SPIDR: variants seen among roughly 807,000 people sequenced by gnomAD.
SPIDR encodes scaffold protein involved in DNA repair, also known as DNA repair-scaffolding protein.
Under a neutral mutation model 104.6 loss-of-function variants are expected in SPIDR, and 93 were observed. The observed-to-expected ratio is 0.89, with a 90% CI of 0.75 to 1.06. The LOEUF (loss-of-function observed/expected upper bound fraction) is 1.06, where lower values mean the gene tolerates loss of function less well. SPIDR is among the 50% of genes least tolerant of loss of function. SPIDR has a pLI of 0.00. For missense variants in SPIDR, 1,154 were observed against 1,111.2 expected (o/e 1.04, Z -0.55); for synonymous variants, 431 against 416.9 (o/e 1.03, Z -0.41).
chr8:47,732,126 T>TA, intron 19 of SPIDR: 1 of 702,564 alleles, frequency 1.4e-6, no homozygotes, highest in Non-Finnish European at 2.6e-6. Flanking sequence ...CACCCCTCTT[T>TA]AGAGATCCAG....
chr8:47,515,315 T>C (rs1334927609), intron 8 of SPIDR, among the ~76,000 whole-genome samples: 1 of 152,272 alleles, frequency 6.6e-6, no homozygotes, highest in African/African-American at 2.4e-5. Flanking sequence ...ATATGAGGGA[T>C]TGTTCTCTGC....
chr8:47,488,166 G>C (rs1261150819), intron 8 of SPIDR, among the ~76,000 whole-genome samples: 5 of 151,882 alleles, frequency 3.3e-5, no homozygotes, highest in Admixed American at 3.3e-4. Context: ...ATGATAAAGG[G>C]GATATCACCA....
chr8:47,607,433 A>C (rs574111779), intron 10 of SPIDR, among the ~76,000 whole-genome samples: 28 of 152,012 alleles, frequency 1.8e-4, no homozygotes, highest in Non-Finnish European at 3.7e-4. Flanking sequence ...AGGCCATTTG[A>C]CATTGTTTCT....
chr8:47,646,259 A>T (rs2070333193), intron 10 of SPIDR, among the ~76,000 whole-genome samples: 1 of 152,170 alleles, frequency 6.6e-6, no homozygotes. Context: ...AATTTTAGTA[A>T]CTTTTGTTTG....
intron 3 of SPIDR, among the ~76,000 whole-genome samples, chr8:47,285,643 A>G (rs1387932273): frequency 6.6e-6 from 1 of 152,002 alleles, no homozygotes; most frequent in East Asian, 1.9e-4. Flanking sequence ...GTCTCTTCAC[A>G]TTGTCTTCTC....
At chr8:47,292,692 T>G (rs1301667451) in intron 4 of SPIDR, among the ~76,000 whole-genome samples, 2 of 152,202 alleles carry the variant, frequency 1.3e-5, no homozygotes, top group Admixed American at 1.3e-4. Context: ...TTTAAAAGTT[T>G]TGTGACCACA....
intron 5 of SPIDR, among the ~76,000 whole-genome samples, chr8:47,395,719 A>T (rs1188270567): frequency 6.6e-6 from 1 of 152,114 alleles, no homozygotes; most frequent in Non-Finnish European, 1.5e-5. Context: ...TTATAATTAT[A>T]CAGTTTTCAA....
chr8:47,631,039 T>C (rs2066987129), intron 10 of SPIDR, among the ~76,000 whole-genome samples: 2 of 152,068 alleles, frequency 1.3e-5, no homozygotes, highest in African/African-American at 4.8e-5. Flanking sequence ...GAGGCCAGGA[T>C]GAGGGCGTCG....
At chr8:47,575,670 A>G (rs2059017679) in intron 8 of SPIDR, among the ~76,000 whole-genome samples, 1 of 135,694 alleles carries the variant, frequency 7.4e-6, no homozygotes, top group Non-Finnish European at 1.6e-5. Flanking sequence ...AAAAGAAAGA[A>G]AAAAGCTTCG....
intron 8 of SPIDR, among the ~76,000 whole-genome samples, chr8:47,488,535 C>T (rs2078094925): frequency 6.6e-6 from 1 of 152,094 alleles, no homozygotes; most frequent in Non-Finnish European, 1.5e-5. Context: ...CAAAGCCTGG[C>T]AGAGACACAC....
chr8:47,343,972 T>C (rs1377441230), intron 5 of SPIDR, among the ~76,000 whole-genome samples: 8 of 151,630 alleles, frequency 5.3e-5, no homozygotes, highest in South Asian at 2.1e-4. Flanking sequence ...TTCTTTTTTT[T>C]TTTATTATTA....
intron 5 of SPIDR, among the ~76,000 whole-genome samples, chr8:47,300,933 G>C (rs2041971049): frequency 1.3e-5 from 2 of 152,160 alleles, no homozygotes; most frequent in African/African-American, 2.4e-5. Context: ...GTTGATTGGG[G>C]GTGGAGAGTT....
At chr8:47,389,214 C>CT (rs1453666872) in intron 5 of SPIDR, among the ~76,000 whole-genome samples, 1 of 152,090 alleles carries the variant, frequency 6.6e-6, no homozygotes, top group Non-Finnish European at 1.5e-5. Flanking sequence ...TGTAACTGGG[C>CT]TATATATCTG....
At position 47,662,347 on chromosome 8, in the gene SPIDR, A is replaced by G. The variant is rs183789844; in HGVS notation, c.1545-11454A>G. ...CTACCGGGGTTGCAAGTTTCTCAAG[A>G]TAACTAGAAAGTTGAATTTTATGTA... On this transcript the variant is annotated intron_variant, in intron 10 of 19. Coordinates refer to ENST00000297423, the MANE Select transcript of SPIDR (RefSeq NM_001080394.4). Among the ~76,000 whole-genome samples the G allele has an allele frequency of 6.6e-5, 10 of 152,356 alleles. No individual in the cohort carries two copies. The East Asian group carries it at 1.9e-3, about 29-fold the overall frequency.
chr8:47,360,778 T>C, intron 5 of SPIDR: 1 of 960,044 alleles, frequency 1.0e-6, no homozygotes, highest in South Asian at 4.8e-5. Context: ...TGAAAAAGTC[T>C]GTGGGGCAAA....
chr8:47,620,379 G>A (rs7004819), intron 10 of SPIDR, among the ~76,000 whole-genome samples: 146,128 of 151,112 alleles, frequency 0.97, 70,665 homozygotes, highest in East Asian at 1. Context: ...GGTTCAAGCA[G>A]TTTTCCTGCC....
At chr8:47,284,228 G>A (rs1026575344) in intron 3 of SPIDR, 134 bp downstream of exon 3, 162 of 630,784 alleles carry the variant, frequency 2.6e-4, no homozygotes, top group Non-Finnish European at 4.0e-4. Flanking sequence ...AAAACATCAA[G>A]ATAAGGTAAA....
intron 5 of SPIDR, among the ~76,000 whole-genome samples, chr8:47,363,494 CT>C (rs201864791): frequency 0.058 from 6,057 of 105,040 alleles, 265 homozygotes; most frequent in East Asian, 0.15. Flanking sequence ...CACGCCCAAC[CT>C]TTTTTAAAAA....
Position 47,534,801 on chromosome 8 carries a change from TAGGC to T in SPIDR, c.1098-61007_1098-61004del, listed in dbSNP as rs1271643652. 1.3e-5 allele frequency among the ~76,000 whole-genome samples: 2 copies of T among 151,310 alleles called. 1 individual carries two copies. The highest frequency in any genetic ancestry group is 2.9e-5 in the Non-Finnish European group (2 of 67,876). ...TAAAATAAAGGTTAAAAAGAAAAAT[TAGGC>T]AGAAATTAATGAAATCGAAAACAGG... On this transcript the variant is annotated intron_variant, in intron 8 of 19. Transcript: ENST00000297423.
Sources: gnomAD v4.1 joint callset for allele counts (sites outside exome capture counted in the v4.1 genomes callset) on GRCh38, gnomAD v4.1.1 for gene constraint, MANE v1.5 for transcripts, NCBI Gene and HGNC (gene_info 2026-07-23, HGNC 2026-07-21) for gene names.